The following COL25A1 variants were observed in gnomAD, a reference collection of about 807,000 sequenced individuals.
The protein encoded by COL25A1 is collagen type XXV alpha 1 chain.
In COL25A1, 103 loss-of-function variants were observed where a neutral mutation model predicts 128.4. That is an observed-to-expected ratio of 0.80 (90% confidence interval 0.68 to 0.94). The LOEUF (loss-of-function observed/expected upper bound fraction) is 0.94. Among genes scored for constraint, COL25A1 ranks in the 40% least tolerant of loss-of-function variants. COL25A1 has a pLI of 0.00. For missense variants in COL25A1, 745 were observed against 840.0 expected (o/e 0.89, Z 1.40); for synonymous variants, 279 against 277.2 (o/e 1.01, Z -0.06).
intron 3 of COL25A1, among the ~76,000 whole-genome samples, chr4:109,068,762 T>C (rs561093855): frequency 2.0e-5 from 3 of 152,266 alleles, no homozygotes; most frequent in Admixed American, 1.3e-4. Context: ...TCACGAAGTA[T>C]TTACTTATTC....
At chr4:108,889,676 C>A in intron 17 of COL25A1, 25 bp downstream of exon 17, 3 of 1,610,338 alleles carry the variant, frequency 1.9e-6, no homozygotes, top group Non-Finnish European at 2.5e-6. Flanking sequence ...TCCTGGAGTA[C>A]AAATACTTGC....
intron 14 of COL25A1, 33 bp from the exon 15 acceptor site, chr4:108,899,213 A>C (rs777079616): frequency 1.3e-6 from 2 of 1,592,794 alleles, no homozygotes; most frequent in Admixed American, 3.4e-5. Context: ...GGTGACATCA[A>C]ATCATAAAAC....
chr4:109,298,563 A>T (rs1438674238), intron 3 of COL25A1, among the ~76,000 whole-genome samples: 1 of 152,186 alleles, frequency 6.6e-6, no homozygotes, highest in African/African-American at 2.4e-5. Flanking sequence ...GAAGTGCTGA[A>T]TCTCTTTTCT....
intron 3 of COL25A1, among the ~76,000 whole-genome samples, chr4:109,249,109 G>A (rs1295907898): frequency 1.3e-5 from 2 of 152,066 alleles, no homozygotes; most frequent in Non-Finnish European, 1.5e-5. Context: ...ATCTAGCCTC[G>A]CCTTTAAAAG....
chr4:108,817,522 A>G, intron 36 of COL25A1, 87 bp from the exon 37 acceptor site: 1 of 1,276,316 alleles, frequency 7.8e-7, no homozygotes, highest in Non-Finnish European at 1.1e-6. Flanking sequence ...CTTAAAAATA[A>G]ATTTCTACCC....
intron 5 of COL25A1, among the ~76,000 whole-genome samples, chr4:109,042,046 C>T (rs184545555): frequency 6.6e-6 from 1 of 152,072 alleles, no homozygotes; most frequent in East Asian, 1.9e-4. Flanking sequence ...TCTATTTCTT[C>T]TTCCTTGTTC....
chr4:109,197,434 TTA>T (rs1403192653), intron 3 of COL25A1, among the ~76,000 whole-genome samples: 6 of 123,882 alleles, frequency 4.8e-5, no homozygotes, highest in Non-Finnish European at 8.0e-5. Flanking sequence ...TATATAAATA[TTA>T]TATATTATAT....
chr4:108,824,002 C>G lies in COL25A1; in HGVS notation c.1845+172G>C, dbSNP rs896297088. ...GGCAGTGCCCTTATATCTGGCAGTA[C>G]AGCCTTCTTCATTCCTCTCTGAAGA... On this transcript the variant is annotated intron_variant, in intron 35 of 37. Transcript: ENST00000399132. 1.2e-5 allele frequency: 19 copies of G among 1,581,586 alleles called. No homozygotes were observed. The African/African-American group carries it at 2.5e-4, about 21-fold the overall frequency.
intron 8 of COL25A1, chr4:108,942,346 A>G: frequency 2.3e-6 from 3 of 1,288,256 alleles, no homozygotes; most frequent in Non-Finnish European, 2.2e-6. Flanking sequence ...AAACAAAACA[A>G]GCACATACCT....
At chr4:109,228,562 TA>T (rs2126217863) in intron 3 of COL25A1, among the ~76,000 whole-genome samples, 1 of 152,310 alleles carries the variant, frequency 6.6e-6, no homozygotes, top group African/African-American at 2.4e-5. Context: ...TTTTAAATGT[TA>T]AGGATCAAAA....
intron 3 of COL25A1, among the ~76,000 whole-genome samples, chr4:109,211,276 AT>A (rs57250600): frequency 7.7e-6 from 1 of 129,420 alleles, no homozygotes; most frequent in African/African-American, 2.9e-5. Context: ...ATATGAAACT[AT>A]ATATATATGA....
Position 109,164,110 on chromosome 4 carries a change from C to G in COL25A1, c.368-113931G>C, listed in dbSNP as rs193182066. Among the ~76,000 whole-genome samples, 6 of 151,946 alleles carry G rather than the reference C, an allele frequency of 3.9e-5. No individual in the cohort carries two copies. In the East Asian group the frequency reaches 1.2e-3, roughly 29 times the overall value. ...ATTCAACAAACTCTGCTTGCTTTTT[C>G]TCTTGGGCACACAATGGAATGCAGG... On this transcript the variant is annotated intron_variant, in intron 3 of 37. Coordinates refer to ENST00000399132, the MANE Select transcript of COL25A1 (RefSeq NM_198721.4).
chr4:109,239,373 T>C (rs977860515), intron 3 of COL25A1, among the ~76,000 whole-genome samples: 1 of 91,788 alleles, frequency 1.1e-5, no homozygotes, highest in Non-Finnish European at 1.9e-5. Context: ...TATATGTGTG[T>C]GTATGTGTGT....
chr4:108,823,835 T>C (rs1407780098), intron 35 of COL25A1: 3 of 1,125,230 alleles, frequency 2.7e-6, no homozygotes, highest in Non-Finnish European at 3.4e-6. Flanking sequence ...TGCCAAATAC[T>C]ACTGCAGATT....
At chr4:109,294,286 A>G (rs1334453943) in intron 3 of COL25A1, among the ~76,000 whole-genome samples, 1 of 152,132 alleles carries the variant, frequency 6.6e-6, no homozygotes, top group East Asian at 1.9e-4. Context: ...ATTTAAATGA[A>G]TCACAGAATA....
chr4:109,121,882 T>G (rs1768137000), intron 3 of COL25A1, among the ~76,000 whole-genome samples: 1 of 152,074 alleles, frequency 6.6e-6, no homozygotes, highest in African/African-American at 2.4e-5. Flanking sequence ...AAGATGTCCT[T>G]CAATAGGTGA....
intron 8 of COL25A1, among the ~76,000 whole-genome samples, chr4:108,966,231 G>A (rs1381034945): frequency 6.7e-6 from 1 of 148,988 alleles, no homozygotes; most frequent in South Asian, 2.1e-4. Context: ...GTTTTGGGGG[G>A]TATTACTATA....
At chr4:109,185,184 T>C (rs1775023088) in intron 3 of COL25A1, among the ~76,000 whole-genome samples, 1 of 152,214 alleles carries the variant, frequency 6.6e-6, no homozygotes, top group African/African-American at 2.4e-5. Context: ...CCTAAAATTA[T>C]TCATAAGGCA....
chr4:109,143,902 C>T (rs1263530228), intron 3 of COL25A1, among the ~76,000 whole-genome samples: 1 of 152,234 alleles, frequency 6.6e-6, no homozygotes, highest in East Asian at 1.9e-4. Context: ...CTGGTCAATT[C>T]GTCAAACTCA....
Sources: allele counts gnomAD v4.1 joint callset (sites outside exome capture counted in the v4.1 genomes callset), GRCh38; gene constraint gnomAD v4.1.1; transcripts MANE v1.5; gene names NCBI Gene and HGNC (gene_info 2026-07-23, HGNC 2026-07-21).